The following COL5A2 variants were observed in gnomAD, a reference collection of about 807,000 sequenced individuals.
COL5A2 encodes collagen type V alpha 2 chain.
A neutral mutation model predicts 208.2 loss-of-function variants in COL5A2; 23 were observed. The ratio of observed to expected loss-of-function variants is 0.11; its 90% confidence interval spans 0.08 to 0.16. The LOEUF (loss-of-function observed/expected upper bound fraction) is 0.16. Among genes scored for constraint, COL5A2 ranks in the 10% least tolerant of loss-of-function variants. The pLI is 1.00. For missense variants in COL5A2, 1,590 were observed against 1,956.4 expected (o/e 0.81, Z 3.53); for synonymous variants, 625 against 628.5 (o/e 0.99, Z 0.08).
At position 189,039,307 on chromosome 2, in the gene COL5A2, T is replaced by A. The variant is rs1327072014; in HGVS notation, c.3890A>T (p.Asp1297Val). The A allele has an allele frequency of 1.9e-6, 3 of 1,614,102 alleles. No homozygotes were observed. The highest frequency in any genetic ancestry group is 2.5e-6 in the Non-Finnish European group (3 of 1,179,992). The change falls in exon 51 of 54, where the codon GAT becomes GTT. Residue 1297 changes from aspartate (D) to valine (V), a missense_variant. By Grantham distance (152) the Asp-to-Val change is radical (BLOSUM62 -3). Coordinates refer to ENST00000374866, the MANE Select transcript of COL5A2 (RefSeq NM_000393.5). ...GSKKHPARTC[D>V]DLKLCHSAKQ... ...TGCGGAATGGCAAAGCTTTAGGTCA[T>A]CACACGTGCGGGCTGGGTGCTTTTT...
At chr2:189,417,826 A>G in the COL5A2 span, among the ~76,000 whole-genome samples, 2 of 151,582 alleles carry the variant, frequency 1.3e-5, no homozygotes, top group African/African-American at 4.9e-5. Context: ...ATATATATAT[A>G]CACATACATA....
At chr2:189,403,640 T>C in the COL5A2 span, among the ~76,000 whole-genome samples, 6 of 152,292 alleles carry the variant, frequency 3.9e-5, no homozygotes, top group East Asian at 1.2e-3. Context: ...GATGTTGAAT[T>C]TTATTGAAGG....
the COL5A2 span, among the ~76,000 whole-genome samples, chr2:189,312,364 C>A: frequency 6.6e-6 from 1 of 152,096 alleles, no homozygotes; most frequent in Non-Finnish European, 1.5e-5. Flanking sequence ...CCCCCGGATC[C>A]CACGCCGCCC....
At chr2:189,158,707 A>G (rs1236220597) in intron 1 of COL5A2, among the ~76,000 whole-genome samples, 2 of 152,012 alleles carry the variant, frequency 1.3e-5, no homozygotes, top group African/African-American at 2.4e-5. Context: ...AGTATCTCTG[A>G]TACCTTCCAT....
At chr2:189,287,293 A>T in the COL5A2 span, among the ~76,000 whole-genome samples, 6 of 152,166 alleles carry the variant, frequency 3.9e-5, no homozygotes, top group East Asian at 1.2e-3. Context: ...TTTTACAAAA[A>T]TTTTTTTACA....
the COL5A2 span, among the ~76,000 whole-genome samples, chr2:189,416,091 G>A: frequency 1.3e-5 from 2 of 152,312 alleles, no homozygotes; most frequent in East Asian, 3.9e-4. Flanking sequence ...GGAGAAACAG[G>A]AACACTTTTA....
chr2:189,109,531 T>G (rs80136240), intron 2 of COL5A2, among the ~76,000 whole-genome samples: 2,328 of 152,262 alleles, frequency 0.015, 51 homozygotes, highest in South Asian at 0.086. Flanking sequence ...CTAACACAAA[T>G]AACCTGAAGG....
At chr2:189,129,886 C>T (rs573914396) in intron 1 of COL5A2, among the ~76,000 whole-genome samples, 1 of 152,066 alleles carries the variant, frequency 6.6e-6, no homozygotes, top group South Asian at 2.1e-4. Flanking sequence ...GTTCTGCCTG[C>T]AGCAGTTATA....
At chr2:189,146,743 T>G (rs889775019) in intron 1 of COL5A2, among the ~76,000 whole-genome samples, 12 of 152,100 alleles carry the variant, frequency 7.9e-5, no homozygotes, top group Non-Finnish European at 1.6e-4. Context: ...CAAGATGAAT[T>G]TTTTGTCATG....
chr2:189,401,893 T>C, the COL5A2 span, among the ~76,000 whole-genome samples: 2 of 152,220 alleles, frequency 1.3e-5, no homozygotes, highest in African/African-American at 4.8e-5. Context: ...GTTCATGACC[T>C]TTGTCCACTT....
intron 18 of COL5A2, 121 bp from the exon 19 acceptor site, chr2:189,069,005 A>T: frequency 1.3e-6 from 1 of 743,148 alleles, no homozygotes; most frequent in Admixed American, 2.0e-5. Flanking sequence ...GCCAAAGAGG[A>T]TTACAAGAGA....
the COL5A2 span, among the ~76,000 whole-genome samples, chr2:189,290,715 A>AACACAC: frequency 3.1e-5 from 1 of 32,742 alleles, no homozygotes; most frequent in African/African-American, 9.7e-5. Flanking sequence ...GATTTTTGTT[A>AACACAC]ATACACACAC....
rs372421296 is a variant in COL5A2, at chr2:189,123,522, CAG to C, written c.98-13075_98-13074del. ...TAAGGAGGGAAGAGGGGAATAGATA[CAG>C]AGACTCAGACACTCATTTCTGTTGT... On this transcript the variant is annotated intron_variant, in intron 1 of 53. Transcript: ENST00000374866. 6.0e-4 allele frequency among the ~76,000 whole-genome samples: 92 copies of C among 152,216 alleles called. 3 individuals are homozygous for C. The highest frequency in any genetic ancestry group is 2.0e-3 in the African/African-American group (81 of 41,530).
chr2:189,436,790 G>A, the COL5A2 span, among the ~76,000 whole-genome samples: 1 of 152,160 alleles, frequency 6.6e-6, no homozygotes, highest in Admixed American at 6.6e-5. Flanking sequence ...TTATAAGTGG[G>A]AGGTGGTGAT....
chr2:189,064,682 A>C, intron 24 of COL5A2, 27 bp from the exon 25 acceptor site: 1 of 1,471,282 alleles, frequency 6.8e-7, no homozygotes, highest in South Asian at 1.1e-5. Flanking sequence ...CAGATGCATG[A>C]AGAAAAAGAG....
At chr2:189,251,921 A>G in the COL5A2 span, among the ~76,000 whole-genome samples, 3 of 152,250 alleles carry the variant, frequency 2.0e-5, no homozygotes, top group Non-Finnish European at 4.4e-5. Context: ...CAAGAAAAAA[A>G]ACAAACAACC....
the COL5A2 span, among the ~76,000 whole-genome samples, chr2:189,422,400 T>C: frequency 6.6e-6 from 1 of 151,814 alleles, no homozygotes; most frequent in Non-Finnish European, 1.5e-5. Flanking sequence ...ATGTAAAATA[T>C]AATAAAGAGC....
the COL5A2 span, among the ~76,000 whole-genome samples, chr2:189,321,001 G>C: frequency 6.6e-6 from 1 of 152,150 alleles, no homozygotes; most frequent in African/African-American, 2.4e-5. Context: ...AAGAGAGTGG[G>C]GGCCAATATT....
At chr2:189,126,034 T>C (rs1467818173) in intron 1 of COL5A2, among the ~76,000 whole-genome samples, 2 of 152,112 alleles carry the variant, frequency 1.3e-5, no homozygotes, top group Non-Finnish European at 2.9e-5. Flanking sequence ...TACTACTTTA[T>C]ACCAGCCTAC....
Sources: allele counts gnomAD v4.1 joint callset (sites outside exome capture counted in the v4.1 genomes callset), GRCh38; gene constraint gnomAD v4.1.1; transcripts MANE v1.5; gene names NCBI Gene and HGNC (gene_info 2026-07-23, HGNC 2026-07-21).